UGGT2: variants seen among roughly 807,000 people sequenced by gnomAD.
UGGT2 encodes the protein UDP-glucose:glycoprotein glucosyltransferase 2.
Under a neutral mutation model 192.1 loss-of-function variants are expected in UGGT2, and 180 were observed. That is an observed-to-expected ratio of 0.94 (90% CI 0.83 to 1.06). The LOEUF is 1.06. Ranked by LOEUF, UGGT2 falls within the 50% of genes least tolerant of loss-of-function variation. The pLI, the probability that UGGT2 is intolerant of heterozygous loss-of-function variation, is 0.00. For missense variants in UGGT2, 1,849 were observed against 1,795.7 expected (o/e 1.03, Z -0.54); for synonymous variants, 580 against 591.0 (o/e 0.98, Z 0.27).
intron 12 of UGGT2, among the ~76,000 whole-genome samples, chr13:95,967,996 C>T (rs777147566): frequency 1.3e-5 from 2 of 152,016 alleles, no homozygotes; most frequent in Admixed American, 6.6e-5. Context: ...TTTATTATAG[C>T]TTTCTTTGAG....
chr13:95,948,996 C>T (rs1200574506), intron 13 of UGGT2, among the ~76,000 whole-genome samples: 1 of 152,186 alleles, frequency 6.6e-6, no homozygotes, highest in Non-Finnish European at 1.5e-5. Context: ...CATACTTCTC[C>T]TTCCTGCCAC....
intron 20 of UGGT2, among the ~76,000 whole-genome samples, chr13:95,915,668 C>T (rs554893505): frequency 1.3e-5 from 2 of 152,316 alleles, no homozygotes; most frequent in East Asian, 3.9e-4. Context: ...GGAGGGTGGC[C>T]ACCATCTCTG....
At chr13:95,833,648 G>A (rs1239116691) in intron 37 of UGGT2, among the ~76,000 whole-genome samples, 1 of 152,100 alleles carries the variant, frequency 6.6e-6, no homozygotes, top group Non-Finnish European at 1.5e-5. Flanking sequence ...ATTATAGAAG[G>A]TTGATAAGAG....
In UGGT2 at chr13:95,981,450, C is replaced by G. The variant is rs1594500800; in HGVS notation, c.1092+2354G>C. ...CTGCACTCCAGCCTGGGCGACAGAG[C>G]GAGACTCCGTCTCAAAAAAAAAAAA... On this transcript the variant is annotated intron_variant, in intron 10 of 38. Coordinates refer to ENST00000376747, the MANE Select transcript of UGGT2 (RefSeq NM_020121.4). 8.5e-3 allele frequency among the ~76,000 whole-genome samples: 3 copies of G among 352 alleles called. 1 individual carries two copies. The highest frequency in any genetic ancestry group is 8.5e-3 in the African/African-American group (3 of 352). The allele number at this position is 352 out of a possible 152,430, so 0.2% of individuals were successfully genotyped here.
chr13:95,940,468 T>G (rs957714556), intron 15 of UGGT2, among the ~76,000 whole-genome samples: 3 of 149,328 alleles, frequency 2.0e-5, no homozygotes, highest in African/African-American at 4.9e-5. Context: ...TTTTTTTTTT[T>G]TTTTTGAGAC....
At chr13:95,977,471 A>C (rs1434596346) in intron 10 of UGGT2, among the ~76,000 whole-genome samples, 1 of 152,166 alleles carries the variant, frequency 6.6e-6, no homozygotes, top group African/African-American at 2.4e-5. Flanking sequence ...CACTAGAGAA[A>C]TGCAAATCAA....
chr13:95,912,057 C>T (rs1421532226), intron 20 of UGGT2, among the ~76,000 whole-genome samples: 2 of 151,462 alleles, frequency 1.3e-5, no homozygotes, highest in Non-Finnish European at 2.9e-5. Flanking sequence ...TAAAAACTCT[C>T]AATAAACTAG....
At chr13:95,876,607 C>T (rs1891706090) in intron 29 of UGGT2, among the ~76,000 whole-genome samples, 1 of 152,178 alleles carries the variant, frequency 6.6e-6, no homozygotes, top group African/African-American at 2.4e-5. Context: ...CTCTACTTCC[C>T]CCAAGGGGGT....
chr13:95,802,791 C>T (rs1884118764), intron 38 of UGGT2, among the ~76,000 whole-genome samples: 1 of 152,012 alleles, frequency 6.6e-6, no homozygotes, highest in Non-Finnish European at 1.5e-5. Context: ...GAGAAACTGA[C>T]AGCCTGGTAT....
At chr13:95,919,309 A>G (rs1481964463) in intron 20 of UGGT2, among the ~76,000 whole-genome samples, 1 of 152,224 alleles carries the variant, frequency 6.6e-6, no homozygotes, top group Non-Finnish European at 1.5e-5. Flanking sequence ...AACTGGCGCA[A>G]GACAAGGATG....
chr13:95,937,209 C>G, intron 16 of UGGT2, 121 bp from the exon 17 acceptor site: 1 of 1,150,608 alleles, frequency 8.7e-7, no homozygotes, highest in Non-Finnish European at 1.2e-6. Context: ...ATTTTGCTAA[C>G]TTTATCTGTC....
intron 1 of UGGT2, among the ~76,000 whole-genome samples, chr13:96,034,334 G>A (rs1021036478): frequency 2.0e-5 from 3 of 152,176 alleles, no homozygotes; most frequent in South Asian, 2.1e-4. Flanking sequence ...TCATCAAGAC[G>A]ATCTGCCAGC....
intron 17 of UGGT2, among the ~76,000 whole-genome samples, chr13:95,930,709 G>A (rs2049223869): frequency 6.6e-6 from 1 of 152,144 alleles, no homozygotes; most frequent in South Asian, 2.1e-4. Context: ...GAATTGGTGG[G>A]TTCTTGATCA....
chr13:95,985,092 A>G (rs1249286444), intron 9 of UGGT2: 1 of 257,052 alleles, frequency 3.9e-6, no homozygotes, highest in Non-Finnish European at 7.2e-6. Context: ...ACCTCTGAAC[A>G]GTTATACTGA....
chr13:95,879,529 G>A (rs1459351681), intron 27 of UGGT2, among the ~76,000 whole-genome samples: 2 of 152,106 alleles, frequency 1.3e-5, no homozygotes, highest in African/African-American at 2.4e-5. Context: ...TCCGCCTCCC[G>A]GGCTTAAGCG....
intron 26 of UGGT2, 84 bp downstream of exon 26, chr13:95,887,808 A>G: frequency 1.2e-6 from 1 of 820,206 alleles, no homozygotes; most frequent in Non-Finnish European, 2.0e-6. Flanking sequence ...GAAAAGAAAA[A>G]ACCAGGTCCA....
intron 10 of UGGT2, among the ~76,000 whole-genome samples, chr13:95,975,443 C>A (rs1443208567): frequency 6.6e-6 from 1 of 152,172 alleles, no homozygotes; most frequent in Non-Finnish European, 1.5e-5. Context: ...CAAATGAATT[C>A]ATGGCCTCTA....
intron 36 of UGGT2, among the ~76,000 whole-genome samples, chr13:95,844,028 T>C (rs1398206600): frequency 6.6e-6 from 1 of 152,190 alleles, no homozygotes; most frequent in East Asian, 1.9e-4. Context: ...TGGCATGATC[T>C]CGGCTCACTG....
At chr13:95,940,476 G>C (rs1333284116) in intron 15 of UGGT2, among the ~76,000 whole-genome samples, 2 of 121,094 alleles carry the variant, frequency 1.7e-5, no homozygotes, top group Non-Finnish European at 3.3e-5. Context: ...TTTTTTTTGA[G>C]ACAGGGTCTT....
Sources: allele counts gnomAD v4.1 joint callset (sites outside exome capture counted in the v4.1 genomes callset), GRCh38; gene constraint gnomAD v4.1.1; transcripts MANE v1.5; gene names NCBI Gene and HGNC (gene_info 2026-07-23, HGNC 2026-07-21).